TLR5: variants seen among roughly 807,000 people sequenced by gnomAD.
TLR5 encodes toll-like receptor 5.
For synonymous variants in TLR5, 373 were observed against 384.4 expected (o/e 0.97, Z 0.35); for missense variants, 944 against 999.8 (o/e 0.94, Z 0.75).
At chr1:223,129,203 C>T (rs1424510812) in intron 5 of TLR5, 1 of 152,398 alleles carries the variant, frequency 6.6e-6, no homozygotes, top group African/African-American at 2.4e-5. Flanking sequence ...CTGCCAGCCT[C>T]CTGCACGTCT....
chr1:223,111,122 G>A lies in TLR5; in HGVS notation c.1910C>T (p.Ser637Phe), dbSNP rs777129634. ...EGCDEEEVLKSLKFSLFIVCT... is the reference protein window; with the variant it reads ...EGCDEEEVLKFLKFSLFIVCT... ...TACAATGAAAAGGGAGAACTTTAGG[G>A]ACTTTAAGACTTCCTCTTCATCACA... Residue 637 changes from serine (S) to phenylalanine (F), a missense_variant, in exon 6 of 6, where the codon TCC (serine) becomes TTC (phenylalanine). By Grantham distance (155) the Ser-to-Phe change is radical. Coordinates refer to ENST00000642603, the MANE Select transcript of TLR5 (RefSeq NM_003268.6). 10 of 1,614,080 alleles carry A rather than the reference G, an allele frequency of 6.2e-6. No homozygotes were observed. The Admixed American group carries it at 1.7e-4, about 27-fold the overall frequency.
intron 5 of TLR5, among the ~76,000 whole-genome samples, chr1:223,124,327 C>T (rs1657072817): frequency 6.6e-6 from 1 of 151,844 alleles, no homozygotes. Flanking sequence ...CCTGTAATTC[C>T]AGCTACTTGG....
chr1:223,137,641 G>A (rs1349417443), intron 2 of TLR5, among the ~76,000 whole-genome samples: 1 of 152,104 alleles, frequency 6.6e-6, no homozygotes, highest in Admixed American at 6.6e-5. Context: ...AAAGTTCTAT[G>A]GGGCACTTGC....
At chr1:223,118,828 G>T (rs112980629) in intron 5 of TLR5, among the ~76,000 whole-genome samples, 2,820 of 152,252 alleles carry the variant, frequency 0.019, 35 homozygotes, top group South Asian at 0.06. Context: ...GATGGGCCGG[G>T]CACGGTGGCT....
At chr1:223,122,698 T>C (rs1035621126) in intron 5 of TLR5, among the ~76,000 whole-genome samples, 3 of 152,210 alleles carry the variant, frequency 2.0e-5, no homozygotes, top group African/African-American at 7.2e-5. Context: ...TGCCCATAAG[T>C]AGACAACATG....
intron 5 of TLR5, chr1:223,128,681 T>G (rs1196694150): frequency 6.6e-6 from 1 of 152,178 alleles, no homozygotes. Context: ...CCTTTGTCCT[T>G]TTCTGTGTGG....
intron 5 of TLR5, among the ~76,000 whole-genome samples, chr1:223,117,577 A>G (rs1656735396): frequency 2.6e-5 from 4 of 151,562 alleles, no homozygotes; most frequent in Admixed American, 6.6e-5. Context: ...AAAAAAAAAA[A>G]AAAAAAGAAA....
intron 5 of TLR5, among the ~76,000 whole-genome samples, chr1:223,113,260 C>T (rs1656462996): frequency 6.6e-6 from 1 of 152,168 alleles, no homozygotes; most frequent in South Asian, 2.1e-4. Flanking sequence ...GGCTGGAGTG[C>T]AGTGGCATGA....
intron 1 of TLR5, among the ~76,000 whole-genome samples, chr1:223,142,205 C>A (rs899255310): frequency 3.3e-5 from 5 of 152,184 alleles, no homozygotes; most frequent in Non-Finnish European, 7.3e-5. Flanking sequence ...ACGGTAGCTA[C>A]CCCTAGCATT....
intron 5 of TLR5, among the ~76,000 whole-genome samples, chr1:223,118,171 G>C (rs1349925014): frequency 6.6e-6 from 1 of 152,210 alleles, no homozygotes; most frequent in African/African-American, 2.4e-5. Context: ...TGGTCCAGAA[G>C]CATGAGACAA....
rs762371286 is a variant in TLR5 at position 223,110,829 on chromosome 1, CAA to C, written c.2201_2202del (p.Phe734CysfsTer18). On this transcript the variant is annotated frameshift_variant, in exon 6 of 6. Transcript: ENST00000642603. LOFTEE classifies it low-confidence loss of function (END_TRUNC). ...RFNLCFEERD[F>X]VPGENRIANI... ...TTGGCAATGCGGTTTTCTCCTGGGA[CAA>C]AGTCTCTTTCTTCAAAGCACAGGTT... 1 of 1,614,232 alleles carries C rather than the reference CAA, an allele frequency of 6.2e-7. No homozygotes were observed. The highest frequency in any genetic ancestry group is 8.5e-7 in the Non-Finnish European group (1 of 1,180,042).
At position 223,123,263 on chromosome 1, in the gene TLR5, A is replaced by T. The variant is rs543219671; in HGVS notation, c.-5+9212T>A. On this transcript the variant is annotated intron_variant, in intron 5 of 5. Coordinates refer to ENST00000642603, the MANE Select transcript of TLR5 (RefSeq NM_003268.6). Reference sequence around the variant, plus strand: ...GAAGAACAGTTACATTTTTTAGTTTAAATTCTTTGTTTTTATGGATGACTC... The same window carrying T: ...GAAGAACAGTTACATTTTTTAGTTTTAATTCTTTGTTTTTATGGATGACTC... Among the ~76,000 whole-genome samples, 4 of 152,262 alleles carry T rather than the reference A, an allele frequency of 2.6e-5. No individual in the cohort carries two copies. In the South Asian group the frequency reaches 8.3e-4, roughly 32 times the overall value.
chr1:223,134,317 G>C (rs1158209305), intron 4 of TLR5: 1 of 152,162 alleles, frequency 6.6e-6, no homozygotes, highest in African/African-American at 2.4e-5. Flanking sequence ...AACACTGAAG[G>C]GGAAAGTTAG....
chr1:223,133,182 T>C (rs1657462043), intron 4 of TLR5, among the ~76,000 whole-genome samples: 1 of 152,066 alleles, frequency 6.6e-6, no homozygotes, highest in Non-Finnish European at 1.5e-5. Flanking sequence ...AGTTGAAGAG[T>C]TGGCTTATAG....
intron 5 of TLR5, among the ~76,000 whole-genome samples, chr1:223,115,705 A>G (rs1216884250): frequency 1.3e-5 from 2 of 152,210 alleles, no homozygotes; most frequent in Non-Finnish European, 2.9e-5. Context: ...GGAAGAAAGT[A>G]AAGTGGGAAA....
At position 223,121,304 on chromosome 1, in the gene TLR5, T is replaced by C. The variant is rs1294998870; in HGVS notation, c.-4-8269A>G. ...CAGTATATTGATTTCTATAAAATTATGTATGTAGGTGGATTATGTTACAGC... is the reference window on the plus strand; with the variant it reads ...CAGTATATTGATTTCTATAAAATTACGTATGTAGGTGGATTATGTTACAGC... On this transcript the variant is annotated intron_variant, in intron 5 of 5. Transcript: ENST00000642603. Among the ~76,000 whole-genome samples the C allele has an allele frequency of 2.0e-5, 3 of 152,212 alleles. No homozygotes were observed. In the South Asian group the frequency reaches 6.2e-4, roughly 31 times the overall value.
intron 2 of TLR5, among the ~76,000 whole-genome samples, chr1:223,138,385 T>C (rs1052725619): frequency 1.4e-4 from 22 of 152,082 alleles, no homozygotes; most frequent in Admixed American, 3.9e-4. Context: ...TTTTTCCCTA[T>C]CTTTCTATCA....
chr1:223,141,553 A>T (rs568835233), intron 2 of TLR5, 95 bp downstream of exon 2: 1 of 152,092 alleles, frequency 6.6e-6, no homozygotes, highest in East Asian at 1.9e-4. Context: ...CAGGCGGATC[A>T]CCTGAGGTCA....
Position 223,111,293 on chromosome 1 carries a change from TTGTTA to T in TLR5, c.1734_1738del (p.His578GlnfsTer5), listed in dbSNP as rs1656321424. ...GCTAAGTTCACATTCACAAATGAAC[TTGTTA>T]TGAGTTATATCCAAGACACTAAGTG... On this transcript the variant is annotated frameshift_variant, in exon 6 of 6. Coordinates refer to ENST00000642603, the MANE Select transcript of TLR5 (RefSeq NM_003268.6). LOFTEE classifies it low-confidence loss of function (END_TRUNC). The T allele has an allele frequency of 6.2e-7, 1 of 1,614,156 alleles. No homozygotes were observed. Among genetic ancestry groups the T allele is most frequent in the East Asian group, 2.2e-5 (1 of 44,884 alleles).
Sources: allele counts gnomAD v4.1 joint callset (sites outside exome capture counted in the v4.1 genomes callset), GRCh38; gene constraint gnomAD v4.1.1; transcripts MANE v1.5; gene names NCBI Gene and HGNC (gene_info 2026-07-23, HGNC 2026-07-21).